SLC12A2: variants seen among roughly 807,000 people sequenced by gnomAD.
SLC12A2 encodes Na-K-2Cl cotransporter 1.
Under a neutral mutation model 136.3 loss-of-function variants are expected in SLC12A2, and 67 were observed. That is an observed-to-expected ratio of 0.49 (90% CI 0.40 to 0.60). The LOEUF (loss-of-function observed/expected upper bound fraction) is 0.60, where lower values mean the gene tolerates loss of function less well. Among genes scored for constraint, SLC12A2 ranks in the 20% least tolerant of loss-of-function variants. The pLI is 0.00. For synonymous variants in SLC12A2, 619 were observed against 562.9 expected (o/e 1.10, Z -1.41); for missense variants, 1,322 against 1,534.7 (o/e 0.86, Z 2.32).
chr5:128,109,723 A>G (rs1581068450), intron 1 of SLC12A2: 6 of 1,169,880 alleles, frequency 5.1e-6, no homozygotes, highest in South Asian at 2.4e-5. Context: ...CAGAGGAGCA[A>G]TTCACTAGAG....
intron 1 of SLC12A2, among the ~76,000 whole-genome samples, chr5:128,088,998 GTC>G (rs1760205831): frequency 6.6e-6 from 1 of 151,902 alleles, no homozygotes; most frequent in South Asian, 2.1e-4. Context: ...GTGAAACCCT[GTC>G]TCTACTAAAA....
At chr5:128,181,020 A>C in intron 23 of SLC12A2, 26 bp downstream of exon 23, 3 of 1,296,910 alleles carry the variant, frequency 2.3e-6, no homozygotes, top group Non-Finnish European at 3.4e-6. Context: ...ATTGAAGGGC[A>C]TGAATCTATT....
rs1246652866 is a variant in SLC12A2 at position 128,084,248 on chromosome 5, G to A, written c.294G>A (p.Ala98=). ...CCGGGCGGGCCGCTGCTGCGGCGGC[G>A]GCGGCGGCGGCGGCAGCGGCGGCGG... is the stretch of plus-strand genomic sequence containing the variant. ...ENAGRAAAAA[A]AAAAAAAAAG... is the part of the protein sequence containing the mutation. The change falls in exon 1 of 27, where the codon GCG becomes GCA. Residue 98 remains alanine (A), a synonymous_variant. Coordinates refer to ENST00000262461, the MANE Select transcript of SLC12A2 (RefSeq NM_001046.3). The surrounding 1 kb of genome is among the most constrained non-coding windows in gnomAD (Gnocchi z 5.6). 1.9e-5 allele frequency: 24 copies of A among 1,233,236 alleles called. No individual in the cohort carries two copies. The African/African-American group carries it at 3.3e-4, about 17-fold the overall frequency. The allele number at this position is 1,233,236 out of a possible 1,614,324, so 76.4% of individuals were successfully genotyped here.
chr5:128,162,119 C>T (rs139486581), intron 17 of SLC12A2, among the ~76,000 whole-genome samples: 68 of 152,144 alleles, frequency 4.5e-4, no homozygotes, highest in African/African-American at 1.3e-3. Context: ...TCTTCTGATC[C>T]GTTTCTGTTG....
Position 128,161,745 on chromosome 5 carries a change from T to G in SLC12A2, c.2561T>G (p.Phe854Cys), listed in dbSNP as rs1288889861. 3 of 1,532,936 alleles carry G rather than the reference T, an allele frequency of 2.0e-6. No homozygotes were observed. The highest frequency in any genetic ancestry group is 2.6e-6 in the Non-Finnish European group (3 of 1,142,326). The allele number at this position is 1,532,936 out of a possible 1,614,324, so 95.0% of individuals were successfully genotyped here. A position where few individuals can be genotyped will look rare whatever the true frequency, so the allele number is the denominator to read the frequency against. ...RWLIKNKMKA[F>C]YAPVHADDLR... ...CTTATTAAGAACAAAATGAAGGCAT[T>G]TTATGCTCCAGTACATGCAGATGAC... The change falls in exon 17 of 27, where the codon TTT becomes TGT. Residue 854 changes from phenylalanine to cysteine, a missense_variant. By Grantham distance (205) the Phe-to-Cys change is radical (BLOSUM62 -2). Transcript: ENST00000262461.
intron 10 of SLC12A2, among the ~76,000 whole-genome samples, chr5:128,147,082 CT>C (rs34232629): frequency 0.015 from 1,957 of 132,008 alleles, 20 homozygotes; most frequent in African/African-American, 0.029. Flanking sequence ...AATGTGTAAC[CT>C]TTTTTTTTTT....
intron 11 of SLC12A2, 91 bp from the exon 12 acceptor site, chr5:128,148,663 T>C: frequency 9.5e-7 from 1 of 1,057,650 alleles, no homozygotes; most frequent in Non-Finnish European, 1.4e-6. Context: ...ATTAGAAACT[T>C]GAATCTCATT....
At chr5:128,109,763 G>A (rs1761077782) in intron 1 of SLC12A2, 1 of 886,484 alleles carries the variant, frequency 1.1e-6, no homozygotes, top group East Asian at 2.4e-5. Context: ...CTAAAAGGAT[G>A]GGTCCTTCAT....
intron 1 of SLC12A2, chr5:128,110,048 C>A: frequency 9.7e-7 from 1 of 1,025,876 alleles, no homozygotes; most frequent in Non-Finnish European, 1.6e-6. Context: ...AGAGGCAGAG[C>A]CTGTGTCACT....
chr5:128,174,367 G>T (rs560670199), intron 19 of SLC12A2, among the ~76,000 whole-genome samples, 174 bp from the exon 20 acceptor site: 1 of 151,984 alleles, frequency 6.6e-6, no homozygotes, highest in Admixed American at 6.6e-5. Flanking sequence ...ACCTAGTTGT[G>T]GTTTATGTAT....
Position 128,084,248 on chromosome 5 carries a change from G to T in SLC12A2, c.294G>T (p.Ala98=), listed in dbSNP as rs1246652866. Residue 98 remains alanine (A), a synonymous_variant, in exon 1 of 27, where the codon GCG becomes GCT. Coordinates refer to ENST00000262461, the MANE Select transcript of SLC12A2 (RefSeq NM_001046.3). The surrounding 1 kb of genome is among the most constrained non-coding windows in gnomAD (Gnocchi z 5.6). The part of the protein sequence containing the change: ...ENAGRAAAAA[A]AAAAAAAAAG... The stretch of plus-strand genomic sequence containing the variant: ...CCGGGCGGGCCGCTGCTGCGGCGGC[G>T]GCGGCGGCGGCGGCAGCGGCGGCGG... 6.5e-6 allele frequency: 8 copies of T among 1,233,300 alleles called. No individual in the cohort carries two copies. In the South Asian group the frequency reaches 9.6e-5, roughly 15 times the overall value. The allele number at this position is 1,233,300 out of a possible 1,614,324, so 76.4% of individuals were successfully genotyped here. A position where few individuals can be genotyped will look rare whatever the true frequency, so the allele number is the denominator to read the frequency against.
At chr5:128,125,751 A>G (rs1196562516) in intron 4 of SLC12A2, among the ~76,000 whole-genome samples, 7 of 152,124 alleles carry the variant, frequency 4.6e-5, no homozygotes, top group Non-Finnish European at 4.4e-5. Flanking sequence ...ATATTCTCCT[A>G]TATTTTCTTC....
chr5:128,157,876 G>C (rs1459278649), intron 15 of SLC12A2, 177 bp from the exon 16 acceptor site: 1 of 523,072 alleles, frequency 1.9e-6, no homozygotes, highest in Non-Finnish European at 3.3e-6. Context: ...CCAAGATTTT[G>C]TTTCTGCATT....
In SLC12A2 at chr5:128,133,311, A is replaced by G. The variant is rs570232351; in HGVS notation, c.1189-854A>G. ...TTCTATGCCTTCAGTTGACAAAAGC[A>G]TCTTTGGATCTTTGGATCTAGGGGT... On this transcript the variant is annotated intron_variant, in intron 5 of 26. Transcript: ENST00000262461. Among the ~76,000 whole-genome samples the G allele has an allele frequency of 2.6e-5, 4 of 152,230 alleles. No individual in the cohort carries two copies. The South Asian group carries it at 8.3e-4, about 32-fold the overall frequency.
At chr5:128,102,596 CTTTTTTTTTTTTTTTTTTT>C (rs70997362) in intron 1 of SLC12A2, among the ~76,000 whole-genome samples, 2 of 40,464 alleles carry the variant, frequency 4.9e-5, no homozygotes, top group African/African-American at 8.7e-5. Context: ...CCCCCCCCGC[CTTTTTTTTTTTTTTTTTTT>C]TTTTTTTTTT....
At chr5:128,164,552 G>T (rs1274631489) in intron 17 of SLC12A2, among the ~76,000 whole-genome samples, 7 of 152,158 alleles carry the variant, frequency 4.6e-5, no homozygotes, top group African/African-American at 1.7e-4. Flanking sequence ...AGTGTGAATT[G>T]CTGCTGAGAG....
chr5:128,114,725 C>A, intron 4 of SLC12A2, 44 bp downstream of exon 4: 2 of 1,140,476 alleles, frequency 1.8e-6, no homozygotes, highest in South Asian at 1.2e-5. Context: ...ATTACTCTTA[C>A]TAAACAGAGG....
chr5:128,103,087 A>G (rs1214122838), intron 1 of SLC12A2, among the ~76,000 whole-genome samples: 1 of 152,244 alleles, frequency 6.6e-6, no homozygotes, highest in Non-Finnish European at 1.5e-5. Flanking sequence ...GAAGTATTGT[A>G]TATCTCTAAG....
rs1351800601 is a variant in SLC12A2, at chr5:128,126,964, ATATTTTT to A, written c.1049-4101_1049-4095del. On this transcript the variant is annotated intron_variant, in intron 4 of 26. Transcript: ENST00000262461. ...TACATATATATATATATATATATAT[ATATTTTT>A]TTTTTTTTTTTTTTTTGCATCTAAA... Among the ~76,000 whole-genome samples the A allele has an allele frequency of 8.0e-3, 173 of 21,654 alleles. 1 individual carries two copies. The highest frequency in any genetic ancestry group is 0.011 in the Non-Finnish European group (154 of 13,728). The allele number at this position is 21,654 out of a possible 152,430, so 14.2% of individuals were successfully genotyped here. A position where few individuals can be genotyped will look rare whatever the true frequency, so the allele number is the denominator to read the frequency against.
Sources: gnomAD v4.1 joint callset for allele counts (sites outside exome capture counted in the v4.1 genomes callset) on GRCh38, gnomAD v4.1.1 for gene constraint, Gnocchi (gnomAD v3.1) non-coding constraint, MANE v1.5 for transcripts, NCBI Gene and HGNC (gene_info 2026-07-23, HGNC 2026-07-21) for gene names.